The following DLG5 variants were observed in gnomAD, a reference collection of about 807,000 sequenced individuals.
DLG5 encodes disks large homolog 5.
A neutral mutation model predicts 189.8 loss-of-function variants in DLG5; 48 were observed. That is an observed-to-expected ratio of 0.25 (90% CI 0.20 to 0.32). DLG5 has a LOEUF of 0.32. Among genes scored for constraint, DLG5 ranks in the 10% least tolerant of loss-of-function variants. The pLI, the probability that DLG5 is intolerant of heterozygous loss-of-function variation, is 1.00. For synonymous variants in DLG5, 1,016 were observed against 1,054.1 expected, an observed-to-expected ratio of 0.96 and a Z score of 0.70; for missense variants, 2,160 against 2,544.7, an observed-to-expected ratio of 0.85 and a Z score of 3.25.
intron 27 of DLG5, among the ~76,000 whole-genome samples, chr10:77,798,283 T>C (rs545193374): frequency 1.3e-5 from 2 of 152,328 alleles, no homozygotes; most frequent in East Asian, 1.9e-4. Flanking sequence ...AGCAGCTCTG[T>C]TGTTTAAAAC....
At chr10:77,857,653 C>T (rs1844300252) in intron 2 of DLG5, among the ~76,000 whole-genome samples, 1 of 152,320 alleles carries the variant, frequency 6.6e-6, no homozygotes, top group Non-Finnish European at 1.5e-5. Flanking sequence ...CAACAGCCAC[C>T]GCTGCCACCA....
chr10:77,850,017 G>C (rs1843885985), intron 5 of DLG5, among the ~76,000 whole-genome samples: 1 of 152,118 alleles, frequency 6.6e-6, no homozygotes, highest in Non-Finnish European at 1.5e-5. Flanking sequence ...CTCTATTTAT[G>C]ACAAGGTGAA....
At chr10:77,908,116 C>T (rs1846117395) in intron 1 of DLG5, among the ~76,000 whole-genome samples, 1 of 152,044 alleles carries the variant, frequency 6.6e-6, no homozygotes, top group Non-Finnish European at 1.5e-5. Context: ...CCCTCAGCCC[C>T]CTCTCTCCTT....
chr10:77,824,590 C>A, intron 13 of DLG5, 114 bp from the exon 14 acceptor site: 2 of 796,102 alleles, frequency 2.5e-6, no homozygotes, highest in South Asian at 1.7e-5. Context: ...TGCAAGGTGC[C>A]AAAGTCAGGA....
the DLG5 span, among the ~76,000 whole-genome samples, chr10:77,935,193 T>G: frequency 9.9e-5 from 15 of 152,044 alleles, no homozygotes; most frequent in Admixed American, 3.9e-4. Flanking sequence ...AGTTGGTGGG[T>G]TTTTGTTATG....
rs758362626 is a variant in DLG5 at position 77,792,550 on chromosome 10, A to G, written c.5657-7T>C. 6 of 1,613,912 alleles carry G rather than the reference A, an allele frequency of 3.7e-6. No homozygotes were observed. The South Asian group carries it at 6.6e-5, about 18-fold the overall frequency. ...GCTCCTCCCTGGATGACCCCTGCAA[A>G]AGAGCCCCCCAGACACGTCATTCAG... On this transcript the variant is annotated splice_polypyrimidine_tract_variant and splice_region_variant and intron_variant, in intron 31 of 31. Transcript: ENST00000372391.
chr10:77,847,276 C>T (rs1039763057), intron 5 of DLG5, among the ~76,000 whole-genome samples: 7 of 152,108 alleles, frequency 4.6e-5, no homozygotes, highest in East Asian at 1.9e-4. Flanking sequence ...ACCACGATGA[C>T]GGCCACCCTC....
chr10:77,936,446 C>CAAAAAAAAAAA, the DLG5 span, among the ~76,000 whole-genome samples: 16 of 51,914 alleles, frequency 3.1e-4, no homozygotes, highest in African/African-American at 2.8e-4. Context: ...CAAAACAAAA[C>CAAAAAAAAAAA]AAAAAAAAAA....
intron 13 of DLG5, among the ~76,000 whole-genome samples, chr10:77,826,188 A>G (rs983662549): frequency 6.6e-6 from 1 of 152,194 alleles, no homozygotes; most frequent in Non-Finnish European, 1.5e-5. Context: ...GTCCCTATGA[A>G]GTAGCATGTC....
intron 1 of DLG5, among the ~76,000 whole-genome samples, chr10:77,908,626 C>T (rs575082770): frequency 7.2e-5 from 11 of 152,308 alleles, no homozygotes; most frequent in African/African-American, 2.6e-4. Context: ...GCTCTCCCCT[C>T]GCCAGGTCTA....
At chr10:77,802,202 G>A (rs1266894773) in intron 27 of DLG5, among the ~76,000 whole-genome samples, 1 of 152,312 alleles carries the variant, frequency 6.6e-6, no homozygotes, top group South Asian at 2.1e-4. Context: ...GGATAAACCT[G>A]TGTGTTTGAA....
At chr10:77,875,826 G>C (rs1358276411) in intron 1 of DLG5, among the ~76,000 whole-genome samples, 1 of 151,664 alleles carries the variant, frequency 6.6e-6, no homozygotes, top group Non-Finnish European at 1.5e-5. Flanking sequence ...AAAAAAAAAA[G>C]AAAAGAAAAA....
At chr10:77,801,942 G>A (rs1048325042) in intron 27 of DLG5, among the ~76,000 whole-genome samples, 3 of 152,182 alleles carry the variant, frequency 2.0e-5, no homozygotes, top group Admixed American at 6.5e-5. Flanking sequence ...AAAACCCCAC[G>A]GGTCCTCTGA....
At chr10:77,905,829 C>G (rs1846056940) in intron 1 of DLG5, among the ~76,000 whole-genome samples, 1 of 152,204 alleles carries the variant, frequency 6.6e-6, no homozygotes, top group South Asian at 2.1e-4. Context: ...CCACAGTCAA[C>G]CATTCTCTTG....
intron 2 of DLG5, 118 bp downstream of exon 2, chr10:77,869,011 G>T: frequency 2.5e-6 from 2 of 796,934 alleles, no homozygotes; most frequent in Non-Finnish European, 2.1e-6. Context: ...ACGGAAGGAT[G>T]ATCCTGTGAG....
At chr10:77,865,646 G>T (rs1013322849) in intron 2 of DLG5, among the ~76,000 whole-genome samples, 1 of 152,198 alleles carries the variant, frequency 6.6e-6, no homozygotes, top group African/African-American at 2.4e-5. Flanking sequence ...GAGGAAAAAA[G>T]TACTGATTGC....
upstream of DLG5, chr10:77,926,880 G>T: frequency 3.1e-6 from 1 of 322,066 alleles, no homozygotes; most frequent in South Asian, 2.2e-5. This position sits in a 1 kb window ranked among gnomAD's most constrained non-coding sequence, Gnocchi z 5.2. Context: ...CTCCGCGCGC[G>T]CCGCCCGCCC....
intron 8 of DLG5, among the ~76,000 whole-genome samples, chr10:77,834,447 CAT>C (rs953864240): frequency 1.8e-4 from 27 of 152,310 alleles, no homozygotes; most frequent in African/African-American, 5.5e-4. Flanking sequence ...AGCACTACCA[CAT>C]GTCTCATATC....
chr10:77,873,860 G>A (rs1845001986), intron 1 of DLG5, among the ~76,000 whole-genome samples: 1 of 152,188 alleles, frequency 6.6e-6, no homozygotes, highest in African/African-American at 2.4e-5. Flanking sequence ...CCAGGGAAAG[G>A]AGAGGGAGAC....
Sources: allele counts gnomAD v4.1 joint callset (sites outside exome capture counted in the v4.1 genomes callset), GRCh38; gene constraint gnomAD v4.1.1; non-coding constraint Gnocchi (gnomAD v3.1); transcripts MANE v1.5; gene names NCBI Gene and HGNC (gene_info 2026-07-23, HGNC 2026-07-21).